The following CDH22 variants were observed in gnomAD, a reference collection of about 807,000 sequenced individuals.
The protein encoded by CDH22 is cadherin 22.
Under a neutral mutation model 58.4 loss-of-function variants are expected in CDH22, and 30 were observed. The ratio of observed to expected loss-of-function variants is 0.51; its 90% CI spans 0.38 to 0.70. The LOEUF (loss-of-function observed/expected upper bound fraction) is 0.70, where lower values mean the gene tolerates loss of function less well. CDH22 is among the 30% of genes least tolerant of loss of function. The pLI is 0.00. For missense variants in CDH22, 1,014 were observed against 1,233.9 expected (o/e 0.82, Z 2.67); for synonymous variants, 513 against 558.2 (o/e 0.92, Z 1.14).
chr20:46,180,929 TG>T (rs2085779984), intron 10 of CDH22, among the ~76,000 whole-genome samples: 2 of 27,222 alleles, frequency 7.3e-5, no homozygotes, highest in Admixed American at 8.3e-4. Flanking sequence ...GTTTGTTTTG[TG>T]TGTGTGTGTG....
At chr20:46,252,183 A>G (rs1185480839) in intron 1 of CDH22, among the ~76,000 whole-genome samples, 1 of 152,008 alleles carries the variant, frequency 6.6e-6, no homozygotes, top group African/African-American at 2.4e-5. Context: ...TATCCATCGC[A>G]GCACAGACAG....
chr20:46,240,767 A>T (rs1307793682), intron 3 of CDH22, among the ~76,000 whole-genome samples, 196 bp downstream of exon 3: 1 of 152,054 alleles, frequency 6.6e-6, no homozygotes, highest in African/African-American at 2.4e-5. Flanking sequence ...ATGTGGCTGA[A>T]GTCATGTGTG....
intron 1 of CDH22, among the ~76,000 whole-genome samples, chr20:46,261,336 G>A (rs189801552): frequency 3.9e-4 from 59 of 152,288 alleles, no homozygotes; most frequent in Non-Finnish European, 7.1e-4. Context: ...CTGGCCAGGC[G>A]AGGAGAGTTT....
At chr20:46,212,201 A>C (rs2086048346) in intron 6 of CDH22, among the ~76,000 whole-genome samples, 1 of 152,188 alleles carries the variant, frequency 6.6e-6, no homozygotes, top group Non-Finnish European at 1.5e-5. Flanking sequence ...AGATTTAAGG[A>C]GACAGATGCC....
intron 8 of CDH22, among the ~76,000 whole-genome samples, chr20:46,196,603 C>T (rs192388693): frequency 1.1e-3 from 162 of 152,208 alleles, no homozygotes; most frequent in Non-Finnish European, 1.3e-3. Context: ...GTGCCAGCAC[C>T]AGGGAAACAG....
intron 3 of CDH22, among the ~76,000 whole-genome samples, chr20:46,237,260 G>A (rs1400809573): frequency 1.3e-5 from 2 of 152,192 alleles, no homozygotes; most frequent in South Asian, 4.1e-4. Context: ...CCACTTGGCT[G>A]CATCAGGCTT....
intron 7 of CDH22, among the ~76,000 whole-genome samples, chr20:46,200,404 G>A (rs2085951005): frequency 6.6e-6 from 1 of 151,044 alleles, no homozygotes; most frequent in East Asian, 1.9e-4. Flanking sequence ...TGAGCCTCCC[G>A]AGTAGCTGGG....
intron 1 of CDH22, among the ~76,000 whole-genome samples, chr20:46,272,015 G>A (rs1317629125): frequency 6.6e-6 from 1 of 152,094 alleles, no homozygotes. Flanking sequence ...TTCCATCTTC[G>A]TGAATGACAC....
intron 1 of CDH22, among the ~76,000 whole-genome samples, chr20:46,273,089 CT>C (rs2086500503): frequency 6.6e-6 from 1 of 152,104 alleles, no homozygotes; most frequent in Non-Finnish European, 1.5e-5. Flanking sequence ...AGGGTGAATC[CT>C]TTGGAGTTCC....
At chr20:46,213,231 TC>T (rs772815149) in intron 5 of CDH22, 43 bp from the exon 6 acceptor site, 1 of 1,547,914 alleles carries the variant, frequency 6.5e-7, no homozygotes. Flanking sequence ...GGCAGCCCCT[TC>T]CCCAGCCTCT....
chr20:46,292,853 G>A (rs1282282517), intron 1 of CDH22, among the ~76,000 whole-genome samples: 5 of 151,894 alleles, frequency 3.3e-5, no homozygotes, highest in Non-Finnish European at 7.4e-5. Context: ...ATTCCTGCAG[G>A]CAGAGTTAAT....
intron 1 of CDH22, among the ~76,000 whole-genome samples, chr20:46,307,478 G>A (rs886888637): frequency 6.6e-6 from 1 of 152,240 alleles, no homozygotes; most frequent in Non-Finnish European, 1.5e-5. Flanking sequence ...ACGTTAGGCT[G>A]TCGGGGGCCC....
chr20:46,186,124 G>T (rs1435723549), intron 10 of CDH22, among the ~76,000 whole-genome samples: 1 of 151,362 alleles, frequency 6.6e-6, no homozygotes, highest in African/African-American at 2.4e-5. Context: ...TGAGGTAGGA[G>T]GATTGCTTGT....
chr20:46,253,884 G>A lies in CDH22; in HGVS notation c.-399-2191C>T, dbSNP rs74777427. ...AGAGGGCTGTGGAGGTCGATGGAGT[G>A]GCATGTCAAGGGGAGATCTGCCAGT... On this transcript the variant is annotated intron_variant, in intron 1 of 11. Transcript: ENST00000537909. Among the ~76,000 whole-genome samples the A allele has an allele frequency of 8.9e-3, 1,359 of 152,260 alleles. 11 individuals are homozygous for A. Among genetic ancestry groups the A allele is most frequent in the Middle Eastern group, 0.031 (9 of 294 alleles).
intron 1 of CDH22, among the ~76,000 whole-genome samples, chr20:46,292,585 C>T (rs2086609169): frequency 6.6e-6 from 1 of 152,188 alleles, no homozygotes; most frequent in Admixed American, 6.5e-5. Context: ...TTAGTCCTGG[C>T]TGTGCCTGCA....
rs959533754 is a variant in CDH22, at chr20:46,216,677, G to T, written c.838+149C>A. The T allele has an allele frequency of 8.0e-5, 62 of 776,014 alleles. No homozygotes were observed. The East Asian group carries it at 1.5e-3, about 19-fold the overall frequency. 48.1% of individuals were successfully genotyped at this position (776,014 alleles called of 1,614,324 possible). A position where few individuals can be genotyped will look rare whatever the true frequency, so the allele number is the denominator to read the frequency against. On this transcript the variant is annotated intron_variant, in intron 5 of 11. Coordinates refer to ENST00000537909, the MANE Select transcript of CDH22 (RefSeq NM_021248.3). The surrounding 1 kb of genome is among the most constrained non-coding windows in gnomAD (Gnocchi z 5.3). ...GAGGGGGGCTGGGGGATAGCTGGTG[G>T]CTTGGGAGGACAGACAGACAGACAG...
chr20:46,298,826 G>T (rs2086639405), intron 1 of CDH22, among the ~76,000 whole-genome samples: 1 of 152,118 alleles, frequency 6.6e-6, no homozygotes, highest in African/African-American at 2.4e-5. Context: ...CTGAGACTTT[G>T]TCATATTTCA....
rs754927758 is a variant in CDH22, at chr20:46,178,139, C to T, written c.1722G>A (p.Val574=). The T allele has an allele frequency of 3.7e-6, 6 of 1,614,028 alleles. No homozygotes were observed. In the South Asian group the frequency reaches 6.6e-5, roughly 18 times the overall value. Residue 574 remains valine, a synonymous_variant, in exon 11 of 12, where the codon GTG becomes GTA. Coordinates refer to ENST00000537909, the MANE Select transcript of CDH22 (RefSeq NM_021248.3). ...CTACCACCAGGATGGGCAGGAAGAA[C>T]ACGTCCTGCTCCTGCCGGTTGAAGC... ...HVGFNRQEQD[V]FFLPILVVDS... is the part of the protein sequence containing the mutation.
At chr20:46,211,213 C>T (rs2086040857) in intron 6 of CDH22, among the ~76,000 whole-genome samples, 1 of 152,208 alleles carries the variant, frequency 6.6e-6, no homozygotes, top group Non-Finnish European at 1.5e-5. Flanking sequence ...TGTGTGTTAG[C>T]TCTGACCGTC....
Sources: allele counts gnomAD v4.1 joint callset (sites outside exome capture counted in the v4.1 genomes callset), GRCh38; gene constraint gnomAD v4.1.1; non-coding constraint Gnocchi (gnomAD v3.1); transcripts MANE v1.5; gene names NCBI Gene and HGNC (gene_info 2026-07-23, HGNC 2026-07-21).